EIF2B3: variants seen among roughly 807,000 people sequenced by gnomAD.
EIF2B3 encodes the protein translation initiation factor eIF2B subunit gamma.
EIF2B3 carries 20 observed loss-of-function variants against 54.1 expected under a neutral mutation model. That is an observed-to-expected ratio of 0.37 (90% CI 0.26 to 0.54). The LOEUF (loss-of-function observed/expected upper bound fraction) is 0.54. EIF2B3 is among the 20% of genes least tolerant of loss of function. The pLI, the probability that EIF2B3 is intolerant of heterozygous loss-of-function variation, is 0.86. For synonymous variants in EIF2B3, 153 were observed against 188.1 expected, an observed-to-expected ratio of 0.81 and a Z score of 1.52; for missense variants, 448 against 547.8, an observed-to-expected ratio of 0.82 and a Z score of 1.82.
chr1:44,858,491 G>A (rs1364377937), intron 10 of EIF2B3, among the ~76,000 whole-genome samples: 1 of 151,664 alleles, frequency 6.6e-6, no homozygotes, highest in African/African-American at 2.4e-5. Context: ...TTTTTTCTTT[G>A]AGATAGGGTC....
chr1:44,929,336 C>T (rs1233193128), intron 4 of EIF2B3, among the ~76,000 whole-genome samples: 3 of 152,130 alleles, frequency 2.0e-5, no homozygotes, highest in Non-Finnish European at 4.4e-5. Flanking sequence ...ATACCTATAA[C>T]CAAATATATG....
intron 1 of EIF2B3, among the ~76,000 whole-genome samples, chr1:44,983,841 G>A (rs1217582851): frequency 6.6e-6 from 1 of 151,902 alleles, no homozygotes; most frequent in Non-Finnish European, 1.5e-5. Context: ...CAAGTTGCTG[G>A]GATTACAGGC....
At chr1:44,942,224 A>G (rs1644031552) in intron 3 of EIF2B3, among the ~76,000 whole-genome samples, 1 of 150,876 alleles carries the variant, frequency 6.6e-6, no homozygotes, top group African/African-American at 2.4e-5. Context: ...AGGCATTGTT[A>G]TTATTAATAT....
At chr1:44,956,046 T>C (rs1158005043) in intron 3 of EIF2B3, among the ~76,000 whole-genome samples, 1 of 152,156 alleles carries the variant, frequency 6.6e-6, no homozygotes, top group African/African-American at 2.4e-5. Context: ...ATCATTCTAC[T>C]ATAAAGACAC....
chr1:44,938,566 C>T (rs72676553), intron 4 of EIF2B3, among the ~76,000 whole-genome samples: 18,933 of 151,692 alleles, frequency 0.12, 1,486 homozygotes, highest in Non-Finnish European at 0.17. Context: ...ACTGTAGCCT[C>T]GACATCCCGG....
intron 5 of EIF2B3, among the ~76,000 whole-genome samples, chr1:44,902,855 A>AAAT (rs5773857): frequency 3.5e-5 from 5 of 144,586 alleles, no homozygotes; most frequent in African/African-American, 7.9e-5. Flanking sequence ...AAAAAAAAAA[A>AAAT]AGAAAGCTCC....
At chr1:44,924,668 G>C (rs1038228800) in intron 5 of EIF2B3, among the ~76,000 whole-genome samples, 2 of 152,186 alleles carry the variant, frequency 1.3e-5, no homozygotes, top group Non-Finnish European at 2.9e-5. Context: ...TTACAGGCGT[G>C]AGCCACCATG....
intron 4 of EIF2B3, among the ~76,000 whole-genome samples, chr1:44,938,662 T>G (rs1332930773): frequency 1.3e-5 from 2 of 151,954 alleles, no homozygotes; most frequent in African/African-American, 4.8e-5. Flanking sequence ...TTTTAAAAAA[T>G]TGTTTGTAGA....
chr1:44,945,767 A>T (rs1226181797), intron 3 of EIF2B3, among the ~76,000 whole-genome samples: 1 of 152,228 alleles, frequency 6.6e-6, no homozygotes, highest in African/African-American at 2.4e-5. Context: ...TCATTACAAC[A>T]GTACAGAAGT....
At chr1:44,938,943 T>C (rs72676555) in intron 4 of EIF2B3, among the ~76,000 whole-genome samples, 24,947 of 151,176 alleles carry the variant, frequency 0.17, 2,151 homozygotes, top group Non-Finnish European at 0.18. Flanking sequence ...CTACAAAAAA[T>C]ACAAAAAGTT....
chr1:44,962,969 C>T (rs1201233135), intron 3 of EIF2B3, among the ~76,000 whole-genome samples: 3 of 152,100 alleles, frequency 2.0e-5, no homozygotes, highest in Non-Finnish European at 4.4e-5. Context: ...TGCAGTGGCT[C>T]ATGCCTGTAA....
At chr1:44,916,345 C>T (rs867782580) in intron 5 of EIF2B3, among the ~76,000 whole-genome samples, 5 of 151,976 alleles carry the variant, frequency 3.3e-5, no homozygotes, top group East Asian at 1.9e-4. Flanking sequence ...CCTTGGCCTC[C>T]GGAGTAGCTG....
chr1:44,953,993 T>C (rs987161344), intron 3 of EIF2B3, among the ~76,000 whole-genome samples: 2 of 152,076 alleles, frequency 1.3e-5, no homozygotes, highest in Non-Finnish European at 2.9e-5. Flanking sequence ...AAAGCAAAGA[T>C]ATACCAGGCA....
At chr1:44,955,022 T>C (rs992049669) in intron 3 of EIF2B3, among the ~76,000 whole-genome samples, 3 of 152,190 alleles carry the variant, frequency 2.0e-5, no homozygotes, top group Non-Finnish European at 4.4e-5. Flanking sequence ...ACAGATTATG[T>C]TTATTGATTT....
chr1:44,945,524 A>C (rs1021165711), intron 3 of EIF2B3, among the ~76,000 whole-genome samples: 7 of 151,188 alleles, frequency 4.6e-5, no homozygotes, highest in African/African-American at 1.2e-4. Flanking sequence ...ACTGCACTCC[A>C]GCCTGGGTAA....
Position 44,959,135 on chromosome 1 carries a change from C to G in EIF2B3, c.295-17470G>C, listed in dbSNP as rs1236560933. The G allele has an allele frequency of 6.7e-6, 5 of 750,116 alleles. No homozygotes were observed. The Admixed American group carries it at 1.0e-4, about 16-fold the overall frequency. 46.5% of individuals were successfully genotyped at this position (750,116 alleles called of 1,614,324 possible). A position where few individuals can be genotyped will look rare whatever the true frequency, so the allele number is the denominator to read the frequency against. On this transcript the variant is annotated intron_variant, in intron 3 of 11. Transcript: ENST00000360403. ...ATCCCTATTGCTAACCGTGAAGGCA[C>G]CCTTGAACCATCTACGATTGCACAG...
At chr1:44,975,493 G>T (rs938264917) in intron 3 of EIF2B3, among the ~76,000 whole-genome samples, 1 of 152,096 alleles carries the variant, frequency 6.6e-6, no homozygotes, top group Non-Finnish European at 1.5e-5. Context: ...ATATACCATA[G>T]GTAACTGTAA....
intron 1 of EIF2B3, among the ~76,000 whole-genome samples, chr1:44,985,941 A>C (rs567673748): frequency 3.9e-5 from 6 of 152,318 alleles, no homozygotes; most frequent in African/African-American, 1.2e-4. Flanking sequence ...CTGAAGGCAG[A>C]GACCTCACTG....
intron 2 of EIF2B3, 23 bp from the exon 3 acceptor site, chr1:44,978,483 A>G (rs770531078): frequency 3.1e-6 from 5 of 1,608,524 alleles, no homozygotes; most frequent in Middle Eastern, 1.7e-4. Context: ...AGAAAAAAAG[A>G]AAGAAAAACA....
Sources: gnomAD v4.1 joint callset for allele counts (sites outside exome capture counted in the v4.1 genomes callset) on GRCh38, gnomAD v4.1.1 for gene constraint, MANE v1.5 for transcripts, NCBI Gene and HGNC (gene_info 2026-07-23, HGNC 2026-07-21) for gene names.